Variants in FER observed in about 807,000 individuals in gnomAD.
FER encodes the protein tyrosine-protein kinase Fer.
A neutral mutation model predicts 111.0 loss-of-function variants in FER; 63 were observed. The observed-to-expected ratio is 0.57, with a 90% CI of 0.46 to 0.70. The LOEUF (loss-of-function observed/expected upper bound fraction) is 0.70. Ranked by LOEUF, FER falls within the 30% of genes least tolerant of loss-of-function variation. The pLI, the probability that FER is intolerant of heterozygous loss-of-function variation, is 0.00. For synonymous variants in FER, 327 were observed against 313.9 expected (o/e 1.04, Z -0.44); for missense variants, 914 against 954.0 (o/e 0.96, Z 0.55).
chr5:108,903,138 T>C (rs1750278224), intron 10 of FER, among the ~76,000 whole-genome samples: 1 of 152,202 alleles, frequency 6.6e-6, no homozygotes. Flanking sequence ...ATGTCTAGAA[T>C]TTATGGCACC....
chr5:108,826,577 T>C (rs972451952), intron 3 of FER, among the ~76,000 whole-genome samples: 1 of 152,196 alleles, frequency 6.6e-6, no homozygotes, highest in Non-Finnish European at 1.5e-5. Context: ...ATAGTGTCTT[T>C]GTCTGGCTTT....
At chr5:109,054,869 T>C (rs1773423542) in intron 16 of FER, among the ~76,000 whole-genome samples, 1 of 152,242 alleles carries the variant, frequency 6.6e-6, no homozygotes. Flanking sequence ...CTTAACTTTT[T>C]ACCTTCATAT....
At chr5:108,924,051 T>A (rs1395500582) in intron 10 of FER, among the ~76,000 whole-genome samples, 2 of 148,780 alleles carry the variant, frequency 1.3e-5, no homozygotes, top group Non-Finnish European at 1.5e-5. Context: ...AGGTATTTTA[T>A]TTATCTAATT....
intron 17 of FER, among the ~76,000 whole-genome samples, chr5:109,179,565 G>A (rs1381138846): frequency 1.3e-5 from 2 of 152,002 alleles, no homozygotes; most frequent in African/African-American, 4.8e-5. Context: ...TGTTATTTTT[G>A]TATATGACTG....
intron 3 of FER, among the ~76,000 whole-genome samples, chr5:108,814,319 A>G (rs559299430): frequency 6.6e-6 from 1 of 152,260 alleles, no homozygotes; most frequent in South Asian, 2.1e-4. Context: ...CGCAAGAAAT[A>G]ATTCAGAACA....
At chr5:108,889,582 T>TG (rs1747707242) in intron 9 of FER, among the ~76,000 whole-genome samples, 1 of 151,860 alleles carries the variant, frequency 6.6e-6, no homozygotes, top group African/African-American at 2.4e-5. Context: ...GGCAAATGAA[T>TG]GAGACCTGAT....
chr5:108,900,408 T>C (rs903859361), intron 10 of FER, among the ~76,000 whole-genome samples: 7 of 152,232 alleles, frequency 4.6e-5, no homozygotes, highest in Non-Finnish European at 7.3e-5. Context: ...CCCAAATGAC[T>C]GTTTAAGCAT....
At chr5:108,847,997 C>T (rs931915323) in intron 5 of FER, among the ~76,000 whole-genome samples, 7 of 152,116 alleles carry the variant, frequency 4.6e-5, no homozygotes, top group Non-Finnish European at 7.3e-5. Context: ...AAGTAATCCT[C>T]CTGTCTCAGC....
At chr5:108,851,331 G>A (rs1487514831) in intron 5 of FER, among the ~76,000 whole-genome samples, 1 of 152,154 alleles carries the variant, frequency 6.6e-6, no homozygotes, top group African/African-American at 2.4e-5. Flanking sequence ...AAAGCCATCA[G>A]TCTCATGAGA....
intron 3 of FER, among the ~76,000 whole-genome samples, chr5:108,824,835 A>G (rs141327021): frequency 0.089 from 13,558 of 151,996 alleles, 736 homozygotes; most frequent in African/African-American, 0.16. Context: ...GTTCTTTTCT[A>G]TTTTCCTAAG....
At position 109,188,006 on chromosome 5, in the gene FER, CT is replaced by C. The variant is rs1290218169; in HGVS notation, c.*432del. On this transcript the variant is annotated 3_prime_UTR_variant, in exon 20 of 20. Coordinates refer to ENST00000281092, the MANE Select transcript of FER (RefSeq NM_005246.4). ...TTTGCAGGACATGTTCCAACCACAG[CT>C]GGCTTTCACCTCTGCCAAAGCAGGA... is the stretch of plus-strand genomic sequence containing the variant. 6.4e-6 allele frequency: 1 copy of C among 157,364 alleles called. No homozygotes were observed. The highest frequency in any genetic ancestry group is 1.4e-5 in the Non-Finnish European group (1 of 72,536). The allele number at this position is 157,364 out of a possible 1,614,324, so 9.7% of individuals were successfully genotyped here.
chr5:108,991,313 A>C (rs183305508), intron 13 of FER, among the ~76,000 whole-genome samples: 403 of 152,132 alleles, frequency 2.6e-3, no homozygotes, highest in African/African-American at 9.1e-3. Flanking sequence ...TACTCTAATT[A>C]TTGTTAAGGC....
chr5:109,169,316 A>G (rs1466900020), intron 17 of FER, among the ~76,000 whole-genome samples: 1 of 152,210 alleles, frequency 6.6e-6, no homozygotes, highest in Non-Finnish European at 1.5e-5. Context: ...GAAAGAAAAT[A>G]TATAGAGACA....
At chr5:108,890,834 G>A (rs748277050) in intron 9 of FER, among the ~76,000 whole-genome samples, 4 of 152,088 alleles carry the variant, frequency 2.6e-5, no homozygotes, top group Admixed American at 6.6e-5. Context: ...TTTGGAGCTA[G>A]TACAAATAAA....
chr5:108,963,804 C>G (rs2149678661), intron 13 of FER, among the ~76,000 whole-genome samples: 1 of 152,244 alleles, frequency 6.6e-6, no homozygotes, highest in Admixed American at 6.5e-5. Flanking sequence ...TCAGACACTG[C>G]AAAGGACAGT....
intron 5 of FER, among the ~76,000 whole-genome samples, chr5:108,854,129 G>A (rs185520464): frequency 1.1e-3 from 173 of 152,286 alleles, no homozygotes; most frequent in Middle Eastern, 3.4e-3. Flanking sequence ...ATAAAGGTTT[G>A]TTTCCTGCAA....
At chr5:109,067,255 T>TTGTTGC (rs1232497709) in intron 16 of FER, among the ~76,000 whole-genome samples, 11 of 151,764 alleles carry the variant, frequency 7.2e-5, no homozygotes, top group African/African-American at 2.4e-4. Context: ...GTTGTTGTTG[T>TTGTTGC]TGTTGTTGCT....
intron 10 of FER, among the ~76,000 whole-genome samples, chr5:108,923,514 C>T (rs1026172005): frequency 6.6e-6 from 1 of 151,814 alleles, no homozygotes; most frequent in Non-Finnish European, 1.5e-5. Flanking sequence ...GAACTTTGGT[C>T]CCTTAGAAAG....
At chr5:109,038,826 T>C (rs1770756807) in intron 14 of FER, among the ~76,000 whole-genome samples, 1 of 152,054 alleles carries the variant, frequency 6.6e-6, no homozygotes, top group South Asian at 2.1e-4. Flanking sequence ...GGACAGACTT[T>C]TTAGTACTAC....
Sources: gnomAD v4.1 joint callset for allele counts (sites outside exome capture counted in the v4.1 genomes callset) on GRCh38, gnomAD v4.1.1 for gene constraint, MANE v1.5 for transcripts, NCBI Gene and HGNC (gene_info 2026-07-23, HGNC 2026-07-21) for gene names.